Variants in ANO2 observed in about 807,000 individuals in gnomAD.
ANO2 encodes the protein anoctamin 2.
Under a neutral mutation model 124.2 loss-of-function variants are expected in ANO2, and 101 were observed. The observed-to-expected ratio is 0.81, with a 90% CI of 0.69 to 0.96. The LOEUF is 0.96. ANO2 is among the 40% of genes least tolerant of loss of function. ANO2 has a pLI of 0.00. For synonymous variants in ANO2, 486 were observed against 482.5 expected (o/e 1.01, Z -0.09); for missense variants, 1,293 against 1,274.5 (o/e 1.01, Z -0.22).
rs557280676 is a variant in ANO2, at chr12:5,769,140, G to C, written c.1056-18170C>G. On this transcript the variant is annotated intron_variant, in intron 10 of 24. Coordinates refer to ENST00000682330, the MANE Select transcript of ANO2 (RefSeq NM_001364791.2). This position sits in a 1 kb window ranked among gnomAD's most constrained non-coding sequence, Gnocchi z 4.0. The stretch of plus-strand genomic sequence containing the variant: ...CACCATTTGCAAGGAGAGGACCCTA[G>C]ATTTACGACACTCTCCTGTGCTGTG... Among the ~76,000 whole-genome samples the C allele has an allele frequency of 3.9e-5, 6 of 152,248 alleles. No homozygotes were observed. The highest frequency in any genetic ancestry group is 1.2e-4 in the African/African-American group (5 of 41,536).
chr12:5,716,181 T>C (rs371465718), intron 14 of ANO2, among the ~76,000 whole-genome samples: 2 of 152,306 alleles, frequency 1.3e-5, no homozygotes. Context: ...ATTTTTATAC[T>C]CCAAAAAATA....
intron 4 of ANO2, among the ~76,000 whole-genome samples, chr12:5,845,710 G>A (rs11609095): frequency 0.069 from 10,558 of 152,230 alleles, 549 homozygotes; most frequent in African/African-American, 0.15. Context: ...GAGCAGGAGC[G>A]TGGCTTTGGA....
At chr12:5,792,630 T>G (rs762353701) in intron 10 of ANO2, among the ~76,000 whole-genome samples, 10 of 152,238 alleles carry the variant, frequency 6.6e-5, no homozygotes, top group Non-Finnish European at 1.3e-4. Flanking sequence ...GATCTCTGCC[T>G]GATGCATAGC....
In ANO2 at chr12:5,563,444, T is replaced by C. The variant is rs767233096; in HGVS notation, c.2852A>G (p.Glu951Gly). ...CGGCTCATCCATCAGCTTGAGCTTC[T>C]CATGCTCCTCTTTCAGGAAGAAATC... is the stretch of plus-strand genomic sequence containing the variant. ...LVDFFLKEEH[E>G]KLKLMDEPAL... Residue 951 changes from glutamate to glycine, a missense_variant, in exon 25 of 25, where the codon GAG becomes GGG. Physicochemically the swap from Glu to Gly is moderately conservative, Grantham distance 98. Coordinates refer to ENST00000682330, the MANE Select transcript of ANO2 (RefSeq NM_001364791.2). The C allele has an allele frequency of 5.6e-6, 9 of 1,613,776 alleles. No homozygotes were observed. In the South Asian group the frequency reaches 8.8e-5, roughly 16 times the overall value.
At chr12:5,752,296 C>G (rs569863134) in intron 10 of ANO2, among the ~76,000 whole-genome samples, 2 of 152,318 alleles carry the variant, frequency 1.3e-5, no homozygotes, top group South Asian at 2.1e-4. Context: ...AACCTCCATA[C>G]TGTTTTCCAC....
chr12:5,705,456 C>A (rs1949572531), intron 14 of ANO2, among the ~76,000 whole-genome samples: 1 of 152,188 alleles, frequency 6.6e-6, no homozygotes, highest in South Asian at 2.1e-4. Flanking sequence ...TCGTCACCCA[C>A]CAGGATCACG....
chr12:5,873,196 GCTCTCTCTCTCTCT>G (rs57038931), intron 3 of ANO2, among the ~76,000 whole-genome samples: 3,359 of 119,056 alleles, frequency 0.028, 167 homozygotes, highest in African/African-American at 0.1. Flanking sequence ...GCCTAAAGCA[GCTCTCTCTCTCTCT>G]CTCTCTCTCT....
rs552733749 is a variant in ANO2 at position 5,682,954 on chromosome 12, C to T, written c.1546-35153G>A. ...TCTTTTCCACACTCAAGAGAAAGCACAGAGGAGTGGTGGTGACCATGAGTA... is the reference window on the plus strand; with the variant it reads ...TCTTTTCCACACTCAAGAGAAAGCATAGAGGAGTGGTGGTGACCATGAGTA... On this transcript the variant is annotated intron_variant, in intron 14 of 24. Coordinates refer to ENST00000682330, the MANE Select transcript of ANO2 (RefSeq NM_001364791.2). 4.0e-4 allele frequency among the ~76,000 whole-genome samples: 61 copies of T among 152,266 alleles called. No individual in the cohort carries two copies. The South Asian group carries it at 4.4e-3, about 11-fold the overall frequency.
intron 1 of ANO2, among the ~76,000 whole-genome samples, chr12:5,941,835 G>C (rs2136327585): frequency 6.6e-6 from 1 of 152,226 alleles, no homozygotes; most frequent in Admixed American, 6.5e-5. Flanking sequence ...CAAAACAATG[G>C]AGACCAAAAG....
chr12:5,827,816 T>C lies in ANO2; in HGVS notation c.845A>G (p.His282Arg), dbSNP rs1489797133. The C allele has an allele frequency of 6.2e-7, 1 of 1,611,074 alleles. No individual in the cohort carries two copies. ...GCAGGCTGTGCGCTTCAGGATCTCGTGCACCTAAAAGGGGACGACAGCAGA... is the reference window on the plus strand; with the variant it reads ...GCAGGCTGTGCGCTTCAGGATCTCGCGCACCTAAAAGGGGACGACAGCAGA... ...FDNATRSRIVHEILKRTACSR... is the reference protein window; with the variant it reads ...FDNATRSRIVREILKRTACSR... Residue 282 changes from histidine to arginine, a missense_variant, in exon 7 of 25, where the codon CAC becomes CGC. Transcript: ENST00000682330.
At chr12:5,646,049 A>C (rs1946622686) in intron 15 of ANO2, among the ~76,000 whole-genome samples, 1 of 152,158 alleles carries the variant, frequency 6.6e-6, no homozygotes, top group African/African-American at 2.4e-5. Context: ...TGTATAGTTC[A>C]GTTTCATCTT....
chr12:5,807,312 C>T lies in ANO2; in HGVS notation c.948+1G>A, dbSNP rs771668693. ...AGCACGCTGATGAAAATAGTACTTA[C>T]GTCATGAAGAGGGTAGGCAGCCTCA... On this transcript the variant is annotated splice_donor_variant, in intron 8 of 24. Transcript: ENST00000682330. LOFTEE classifies it high-confidence loss of function. The T allele has an allele frequency of 1.4e-5, 22 of 1,552,662 alleles. 1 individual carries two copies. The highest frequency in any genetic ancestry group is 5.9e-5 in the Admixed American group (3 of 50,946).
chr12:5,757,165 G>A (rs1287389669), intron 10 of ANO2, among the ~76,000 whole-genome samples: 1 of 152,252 alleles, frequency 6.6e-6, no homozygotes, highest in Non-Finnish European at 1.5e-5. Context: ...TATATAGATG[G>A]TTGCTAAACA....
chr12:5,699,798 G>A (rs535255626), intron 14 of ANO2, among the ~76,000 whole-genome samples: 10 of 151,990 alleles, frequency 6.6e-5, no homozygotes, highest in African/African-American at 1.4e-4. Context: ...TCCTAGTCTC[G>A]GATAAAACAG....
At chr12:5,899,101 A>C (rs988432318) in intron 3 of ANO2, among the ~76,000 whole-genome samples, 1 of 152,164 alleles carries the variant, frequency 6.6e-6, no homozygotes, top group Non-Finnish European at 1.5e-5. Context: ...AGGACTCCGG[A>C]GTCCGCCAAC....
chr12:5,681,121 T>C (rs1948470453), intron 14 of ANO2, among the ~76,000 whole-genome samples: 1 of 152,192 alleles, frequency 6.6e-6, no homozygotes, highest in South Asian at 2.1e-4. Flanking sequence ...GAGCACTGCC[T>C]TCTGCTCCAT....
intron 14 of ANO2, among the ~76,000 whole-genome samples, chr12:5,711,414 C>T (rs1344942201): frequency 6.6e-6 from 1 of 152,172 alleles, no homozygotes; most frequent in African/African-American, 2.4e-5. Context: ...GAGGCCTCCC[C>T]AGCGGCCAAG....
At chr12:5,945,034 G>A (rs117766816) in intron 1 of ANO2, among the ~76,000 whole-genome samples, 162 bp downstream of exon 1, 4,122 of 152,112 alleles carry the variant, frequency 0.027, 70 homozygotes, top group Non-Finnish European at 0.039. Context: ...GTCCCTCAGA[G>A]TCCCTACCCT....
chr12:5,588,371 C>T (rs545983875), intron 20 of ANO2, among the ~76,000 whole-genome samples: 5 of 152,250 alleles, frequency 3.3e-5, no homozygotes, highest in Non-Finnish European at 7.3e-5. Flanking sequence ...TCATTCCATC[C>T]TTCCACAGAA....
Sources: allele counts gnomAD v4.1 joint callset (sites outside exome capture counted in the v4.1 genomes callset), GRCh38; gene constraint gnomAD v4.1.1; non-coding constraint Gnocchi (gnomAD v3.1); transcripts MANE v1.5; gene names NCBI Gene and HGNC (gene_info 2026-07-23, HGNC 2026-07-21).